The following TLE4 variants were observed in gnomAD, a reference collection of about 807,000 sequenced individuals.
TLE4 encodes transducin-like enhancer protein 4.
Under a neutral mutation model 92.8 loss-of-function variants are expected in TLE4, and 8 were observed. The observed-to-expected ratio is 0.09, with a 90% confidence interval of 0.05 to 0.16. The LOEUF (loss-of-function observed/expected upper bound fraction) is 0.16. Among genes scored for constraint, TLE4 ranks in the 10% least tolerant of loss-of-function variants. The pLI, the probability that TLE4 is intolerant of heterozygous loss-of-function variation, is 1.00. For missense variants in TLE4, 675 were observed against 997.6 expected (o/e 0.68, Z 4.36); for synonymous variants, 371 against 374.1 (o/e 0.99, Z 0.10).
intron 4 of TLE4, among the ~76,000 whole-genome samples, chr9:79,597,312 C>A (rs1029483336): frequency 6.6e-6 from 1 of 152,160 alleles, no homozygotes; most frequent in Non-Finnish European, 1.5e-5. Flanking sequence ...TCCCGGTCTA[C>A]TTTTATATCT....
chr9:79,704,273 A>G (rs936344343), intron 8 of TLE4, among the ~76,000 whole-genome samples: 3 of 151,970 alleles, frequency 2.0e-5, no homozygotes, highest in Non-Finnish European at 4.4e-5. Flanking sequence ...CACCATGCCC[A>G]GCTAATTTGT....
intron 14 of TLE4, chr9:79,717,926 C>T: frequency 2.2e-6 from 1 of 455,820 alleles, no homozygotes; most frequent in Non-Finnish European, 4.4e-6. Flanking sequence ...CTCGTCCCTT[C>T]CTGACTTCAG....
At chr9:79,574,552 T>C (rs564405911) in intron 2 of TLE4, among the ~76,000 whole-genome samples, 26 of 152,346 alleles carry the variant, frequency 1.7e-4, no homozygotes, top group South Asian at 1.0e-3. Context: ...TTATTGAAGT[T>C]TATTTTCGTG....
intron 14 of TLE4, among the ~76,000 whole-genome samples, chr9:79,716,973 T>G (rs2074621004): frequency 6.6e-6 from 1 of 152,214 alleles, no homozygotes; most frequent in African/African-American, 2.4e-5. Flanking sequence ...ATTGAACATC[T>G]TCTCCCCCTT....
In TLE4 at chr9:79,572,596, C is replaced by G. The variant is rs950927690; in HGVS notation, c.-195C>G. Reference sequence around the variant, plus strand: ...CGCCCGCGGGGAATGCGGAGCGGCCCGGCAGCCGGCACCCAGCCGCCGCCG... The same window carrying G: ...CGCCCGCGGGGAATGCGGAGCGGCCGGGCAGCCGGCACCCAGCCGCCGCCG... On this transcript the variant is annotated 5_prime_UTR_variant, in exon 1 of 20. Transcript: ENST00000376552. 1.1e-4 allele frequency: 26 copies of G among 239,178 alleles called. No homozygotes were observed. Among genetic ancestry groups the G allele is most frequent in the Non-Finnish European group, 1.7e-4 (21 of 123,942 alleles). The allele number at this position is 239,178 out of a possible 1,614,324, so 14.8% of individuals were successfully genotyped here. A position where few individuals can be genotyped will look rare whatever the true frequency, so the allele number is the denominator to read the frequency against.
intron 16 of TLE4, among the ~76,000 whole-genome samples, chr9:79,721,342 C>T (rs1244348803): frequency 6.6e-6 from 1 of 152,194 alleles, no homozygotes; most frequent in Non-Finnish European, 1.5e-5. Context: ...CCTGTGCCAT[C>T]CCCAGTCCTT....
intron 4 of TLE4, among the ~76,000 whole-genome samples, chr9:79,605,809 T>C (rs1031155062): frequency 6.6e-6 from 1 of 152,172 alleles, no homozygotes; most frequent in Non-Finnish European, 1.5e-5. Context: ...TTGGGTACTT[T>C]AAAGCACACT....
At chr9:79,687,626 G>A (rs1393774681) in intron 8 of TLE4, among the ~76,000 whole-genome samples, 3 of 152,006 alleles carry the variant, frequency 2.0e-5, no homozygotes, top group Non-Finnish European at 4.4e-5. Flanking sequence ...TCATTCCTTG[G>A]CCTCTTCCTT....
At chr9:79,685,155 G>T (rs78205628) in intron 8 of TLE4, among the ~76,000 whole-genome samples, 1 of 152,132 alleles carries the variant, frequency 6.6e-6, no homozygotes, top group Non-Finnish European at 1.5e-5. Context: ...AACACAAAGA[G>T]TATTGTTTCC....
chr9:79,690,051 A>G (rs2135499623), intron 8 of TLE4, among the ~76,000 whole-genome samples: 1 of 152,050 alleles, frequency 6.6e-6, no homozygotes, highest in African/African-American at 2.4e-5. Context: ...CTCCTTGCTG[A>G]TTTGTCTCAT....
At chr9:79,672,368 C>T (rs1395007372) in intron 8 of TLE4, among the ~76,000 whole-genome samples, 1 of 152,066 alleles carries the variant, frequency 6.6e-6, no homozygotes, top group East Asian at 1.9e-4. Flanking sequence ...CAGTGAGGGG[C>T]CCCTGAGCAG....
At chr9:79,575,984 G>A (rs1468928918) in intron 3 of TLE4, 149 bp from the exon 4 acceptor site, 1 of 462,150 alleles carries the variant, frequency 2.2e-6, no homozygotes, top group Admixed American at 3.5e-5. Context: ...ATAGTGATGG[G>A]CTCTTGATTT....
At chr9:79,667,580 C>CT (rs1270125424) in intron 8 of TLE4, among the ~76,000 whole-genome samples, 2 of 152,060 alleles carry the variant, frequency 1.3e-5, no homozygotes, top group East Asian at 1.9e-4. Context: ...GTTTTATAGT[C>CT]TGTTTACGGA....
intron 17 of TLE4, 73 bp from the exon 18 acceptor site, chr9:79,722,378 A>C: frequency 3.3e-6 from 5 of 1,519,976 alleles, no homozygotes; most frequent in Non-Finnish European, 4.5e-6. Context: ...TATCTACAGA[A>C]GAGATAGTAC....
intron 6 of TLE4, among the ~76,000 whole-genome samples, chr9:79,629,141 A>C (rs2053522433): frequency 6.6e-6 from 1 of 152,174 alleles, no homozygotes; most frequent in Admixed American, 6.5e-5. Context: ...TGGCTGAAAT[A>C]CAGATAGCCC....
chr9:79,616,013 GTTC>G (rs1386605712), intron 5 of TLE4, among the ~76,000 whole-genome samples: 1 of 152,090 alleles, frequency 6.6e-6, no homozygotes, highest in Non-Finnish European at 1.5e-5. Flanking sequence ...GTCCCAAGCT[GTTC>G]TTTTCTCTCA....
intron 8 of TLE4, among the ~76,000 whole-genome samples, chr9:79,686,463 C>A (rs1326837631): frequency 1.3e-5 from 2 of 152,106 alleles, no homozygotes; most frequent in Admixed American, 6.6e-5. Flanking sequence ...GAAATAGGGT[C>A]TTGGCAGATG....
At chr9:79,705,653 T>C (rs141959052) in intron 9 of TLE4, among the ~76,000 whole-genome samples, 99 of 152,304 alleles carry the variant, frequency 6.5e-4, no homozygotes, top group Non-Finnish European at 1.1e-3. Flanking sequence ...AAAAATGTAA[T>C]CAGGTCACCC....
At chr9:79,714,906 CTAGT>C (rs2074168672) in intron 14 of TLE4, among the ~76,000 whole-genome samples, 1 of 152,310 alleles carries the variant, frequency 6.6e-6, no homozygotes, top group Non-Finnish European at 1.5e-5. Context: ...GGAGTATTTG[CTAGT>C]TACAGTCAAA....
Sources: gnomAD v4.1 joint callset for allele counts (sites outside exome capture counted in the v4.1 genomes callset) on GRCh38, gnomAD v4.1.1 for gene constraint, MANE v1.5 for transcripts, NCBI Gene and HGNC (gene_info 2026-07-23, HGNC 2026-07-21) for gene names.